Variants in KCND2 observed in about 807,000 individuals in gnomAD.
KCND2 encodes the protein potassium voltage-gated channel subfamily D member 2, also known as A-type voltage-gated potassium channel KCND2.
In KCND2, 16 loss-of-function variants were observed where a neutral mutation model predicts 54.4. That is an observed-to-expected ratio of 0.29 (90% CI 0.20 to 0.45). The LOEUF is 0.45. Ranked by LOEUF, KCND2 falls within the 20% of genes least tolerant of loss-of-function variation. The pLI is 1.00. For synonymous variants in KCND2, 317 were observed against 310.7 expected, an observed-to-expected ratio of 1.02 and a Z score of -0.21; for missense variants, 486 against 824.2, an observed-to-expected ratio of 0.59 and a Z score of 5.02.
intron 1 of KCND2, among the ~76,000 whole-genome samples, chr7:120,663,007 T>C (rs1791884618): frequency 6.6e-6 from 1 of 152,186 alleles, no homozygotes; most frequent in Non-Finnish European, 1.5e-5. Context: ...AGCTGTCCTA[T>C]GCAGCTCTCC....
At chr7:120,291,042 A>G (rs1799428496) in intron 1 of KCND2, among the ~76,000 whole-genome samples, 1 of 152,046 alleles carries the variant, frequency 6.6e-6, no homozygotes, top group African/African-American at 2.4e-5. Flanking sequence ...GAATCTTAAT[A>G]AATTCTGCTA....
intron 1 of KCND2, among the ~76,000 whole-genome samples, chr7:120,651,764 A>C (rs898430428): frequency 6.6e-6 from 1 of 152,132 alleles, no homozygotes; most frequent in East Asian, 1.9e-4. Flanking sequence ...CTTTTTCTAA[A>C]TTTAAATTTG....
chr7:120,273,068 T>C (rs970137962), upstream of KCND2, among the ~76,000 whole-genome samples: 2 of 151,538 alleles, frequency 1.3e-5, no homozygotes, highest in African/African-American at 4.9e-5. Context: ...TCTCCCTCGG[T>C]GACATTTTGC....
chr7:120,532,284 CAAAT>C (rs1007582581), intron 1 of KCND2, among the ~76,000 whole-genome samples: 8 of 151,626 alleles, frequency 5.3e-5, no homozygotes, highest in African/African-American at 1.5e-4. Context: ...AGAAATCAAA[CAAAT>C]AAATACACAT....
rs1799133515 is a variant in KCND2 at position 120,274,184 on chromosome 7, G to C, written c.-449G>C. The C allele has an allele frequency of 5.2e-6, 1 of 191,488 alleles. No individual in the cohort carries two copies. Among genetic ancestry groups the C allele is most frequent in the African/African-American group, 2.4e-5 (1 of 42,474 alleles). 11.9% of individuals were successfully genotyped at this position (191,488 alleles called of 1,614,324 possible). A position where few individuals can be genotyped will look rare whatever the true frequency, so the allele number is the denominator to read the frequency against. On this transcript the variant is annotated 5_prime_UTR_variant, in exon 1 of 6. Transcript: ENST00000331113. ...AAAGAGTGAGAAGGGTAGGTGTAAG[G>C]GTTCCCTAATTCGTCGAAAGAATTC... is the stretch of plus-strand genomic sequence containing the variant.
chr7:120,515,760 T>A (rs146801484), intron 1 of KCND2, among the ~76,000 whole-genome samples: 9 of 152,200 alleles, frequency 5.9e-5, no homozygotes, highest in African/African-American at 2.2e-4. Context: ...GACAAGCATG[T>A]GGTGATGCCG....
At chr7:120,707,426 C>G (rs1040604736) in intron 1 of KCND2, among the ~76,000 whole-genome samples, 1 of 152,056 alleles carries the variant, frequency 6.6e-6, no homozygotes, top group African/African-American at 2.4e-5. Flanking sequence ...GCCCACAAAA[C>G]TCAAGCTAAA....
At chr7:120,476,243 T>A (rs1802531871) in intron 1 of KCND2, among the ~76,000 whole-genome samples, 1 of 152,240 alleles carries the variant, frequency 6.6e-6, no homozygotes, top group Non-Finnish European at 1.5e-5. Context: ...ACCTTTTCTC[T>A]TCTGTGTTAT....
intron 1 of KCND2, among the ~76,000 whole-genome samples, chr7:120,653,928 G>C (rs1352084600): frequency 9.2e-5 from 14 of 152,194 alleles, no homozygotes; most frequent in Admixed American, 9.2e-4. Flanking sequence ...TTAACAAGCA[G>C]CAGGCTTGTT....
At chr7:120,685,693 T>A (rs954013060) in intron 1 of KCND2, among the ~76,000 whole-genome samples, 1 of 152,054 alleles carries the variant, frequency 6.6e-6, no homozygotes, top group Non-Finnish European at 1.5e-5. Context: ...TGAATCCTGA[T>A]AAAATATATT....
At chr7:120,425,474 G>A (rs1265547950) in intron 1 of KCND2, among the ~76,000 whole-genome samples, 1 of 152,178 alleles carries the variant, frequency 6.6e-6, no homozygotes, top group African/African-American at 2.4e-5. Context: ...TGATACACTT[G>A]TAATAAACAC....
At chr7:120,384,913 T>A (rs1298386587) in intron 1 of KCND2, among the ~76,000 whole-genome samples, 1 of 152,042 alleles carries the variant, frequency 6.6e-6, no homozygotes, top group African/African-American at 2.4e-5. Context: ...AGACGAGTTG[T>A]ATTTTATAGT....
chr7:120,538,266 T>A (rs951413719), intron 1 of KCND2, among the ~76,000 whole-genome samples: 7 of 152,204 alleles, frequency 4.6e-5, no homozygotes, highest in African/African-American at 1.4e-4. Flanking sequence ...TGCCATCTTA[T>A]AGGGACACAA....
intron 1 of KCND2, among the ~76,000 whole-genome samples, chr7:120,482,055 T>A (rs998876930): frequency 6.6e-6 from 1 of 152,142 alleles, no homozygotes; most frequent in Non-Finnish European, 1.5e-5. Context: ...AGCAAAGCTA[T>A]AGGGGCAGGG....
chr7:120,491,455 G>A (rs1238958892), intron 1 of KCND2, among the ~76,000 whole-genome samples: 3 of 152,096 alleles, frequency 2.0e-5, no homozygotes, highest in Admixed American at 6.6e-5. Context: ...ACATATTGTA[G>A]TTGGTAGTCA....
chr7:120,457,144 CG>C (rs1314660404), intron 1 of KCND2, among the ~76,000 whole-genome samples: 1 of 152,134 alleles, frequency 6.6e-6, no homozygotes, highest in Non-Finnish European at 1.5e-5. Context: ...AGGGGATCCC[CG>C]GGCCTGGCCC....
At position 120,597,736 on chromosome 7, in the gene KCND2, A is replaced by G. The variant is rs558718197; in HGVS notation, c.1116-135167A>G. On this transcript the variant is annotated intron_variant, in intron 1 of 5. Transcript: ENST00000331113. ...ATTCCCATCCTAAAGATCTTGGGAG[A>G]GTATCCCCAAATCCACTATTCTCTT... Among the ~76,000 whole-genome samples, 23 of 152,286 alleles carry G rather than the reference A, an allele frequency of 1.5e-4. No individual in the cohort carries two copies. The South Asian group carries it at 4.8e-3, about 32-fold the overall frequency.
chr7:120,546,850 G>C (rs534697103), intron 1 of KCND2, among the ~76,000 whole-genome samples: 1 of 151,796 alleles, frequency 6.6e-6, no homozygotes, highest in South Asian at 2.1e-4. Flanking sequence ...ATTTGTACCT[G>C]ATATAATGTG....
At chr7:120,622,201 G>C (rs1793107792) in intron 1 of KCND2, among the ~76,000 whole-genome samples, 1 of 152,138 alleles carries the variant, frequency 6.6e-6, no homozygotes, top group Admixed American at 6.5e-5. Context: ...TTTTAATCAA[G>C]TTAGAGCTGA....
Sources: allele counts gnomAD v4.1 joint callset (sites outside exome capture counted in the v4.1 genomes callset), GRCh38; gene constraint gnomAD v4.1.1; transcripts MANE v1.5; gene names NCBI Gene and HGNC (gene_info 2026-07-23, HGNC 2026-07-21).